Variants in BANK1 observed in about 807,000 individuals in gnomAD.
The protein encoded by BANK1 is B-cell scaffold protein with ankyrin repeats.
Under a neutral mutation model 94.5 loss-of-function variants are expected in BANK1, and 95 were observed. That is an observed-to-expected ratio of 1.00 (90% CI 0.85 to 1.19). The LOEUF is 1.19. Ranked by LOEUF, BANK1 falls within the 50% of genes most tolerant of loss-of-function variation. The pLI is 0.00. For synonymous variants in BANK1, 334 were observed against 308.4 expected (o/e 1.08, Z -0.87); for missense variants, 987 against 932.2 (o/e 1.06, Z -0.77).
intron 7 of BANK1, among the ~76,000 whole-genome samples, chr4:101,942,429 C>T (rs1723784519): frequency 6.6e-6 from 1 of 151,744 alleles, no homozygotes; most frequent in Admixed American, 6.6e-5. Context: ...CCTCTGTAGA[C>T]GATTCTATGT....
At chr4:101,917,947 C>A in intron 6 of BANK1, 46 bp from the exon 7 acceptor site, 1 of 1,376,390 alleles carries the variant, frequency 7.3e-7, no homozygotes, top group Admixed American at 1.8e-5. Context: ...AATGAGATTG[C>A]CAATAAAATG....
At chr4:102,015,494 T>C (rs994159568) in intron 7 of BANK1, among the ~76,000 whole-genome samples, 1 of 152,144 alleles carries the variant, frequency 6.6e-6, no homozygotes, top group African/African-American at 2.4e-5. Flanking sequence ...CAGAAAGCAA[T>C]GCAAAAAGAC....
At chr4:101,792,462 TGTGTG>T (rs756418077) in intron 1 of BANK1, among the ~76,000 whole-genome samples, 7 of 99,028 alleles carry the variant, frequency 7.1e-5, no homozygotes, top group Admixed American at 9.9e-5. Context: ...TGTGTGTGTG[TGTGTG>T]TGTTTTTTTT....
chr4:102,063,812 C>A (rs1728503340), intron 13 of BANK1, among the ~76,000 whole-genome samples: 1 of 137,742 alleles, frequency 7.3e-6, no homozygotes, highest in African/African-American at 2.8e-5. Flanking sequence ...GAGCAAGACT[C>A]TATCTCAAAA....
chr4:101,926,699 A>G (rs1723164036), intron 7 of BANK1, among the ~76,000 whole-genome samples: 1 of 151,754 alleles, frequency 6.6e-6, no homozygotes, highest in South Asian at 2.1e-4. Flanking sequence ...AGTGGTGCGT[A>G]AAAGGAGATG....
intron 7 of BANK1, among the ~76,000 whole-genome samples, chr4:101,936,233 G>GT (rs1396168224): frequency 6.7e-6 from 1 of 149,040 alleles, no homozygotes; most frequent in East Asian, 2.0e-4. Flanking sequence ...ACACATATAT[G>GT]ATATGTATAC....
intron 1 of BANK1, chr4:101,813,702 A>G (rs1240281675): frequency 6.1e-6 from 1 of 164,326 alleles, no homozygotes; most frequent in Non-Finnish European, 1.3e-5. Context: ...TAGAATTTTT[A>G]GCCCTTGCTA....
chr4:101,810,234 G>A (rs879340625), intron 1 of BANK1, among the ~76,000 whole-genome samples: 1 of 152,142 alleles, frequency 6.6e-6, no homozygotes, highest in Non-Finnish European at 1.5e-5. Context: ...CAAATATCTG[G>A]ATTATTGTCA....
intron 16 of BANK1, 102 bp downstream of exon 16, chr4:102,073,850 A>G (rs1027018191): frequency 1.2e-6 from 1 of 858,588 alleles, no homozygotes; most frequent in East Asian, 2.6e-5. Flanking sequence ...TAAAGATTTC[A>G]TTGTCTTCTC....
At chr4:102,001,882 A>G (rs1726089001) in intron 7 of BANK1, among the ~76,000 whole-genome samples, 1 of 152,220 alleles carries the variant, frequency 6.6e-6, no homozygotes, top group African/African-American at 2.4e-5. Flanking sequence ...AAAGCCAAGG[A>G]AACAGAATTT....
chr4:102,015,313 C>A (rs1291441763), intron 7 of BANK1, among the ~76,000 whole-genome samples: 1 of 151,666 alleles, frequency 6.6e-6, no homozygotes, highest in Admixed American at 6.6e-5. Flanking sequence ...CTTTGTTATT[C>A]TGCAATTTAA....
Position 101,830,243 on chromosome 4 carries a change from T to TG in BANK1, c.469+38dup. 6.7e-6 allele frequency: 9 copies of TG among 1,352,098 alleles called. No homozygotes were observed. In the South Asian group the frequency reaches 7.0e-5, roughly 10 times the overall value. 83.8% of individuals were successfully genotyped at this position (1,352,098 alleles called of 1,614,324 possible). ...AAACCTTGTTTGTTTTATTTTTATT[T>TG]GTTTTTTTTTTTTTGTAATTAAAGA... is the stretch of plus-strand genomic sequence containing the variant. On this transcript the variant is annotated intron_variant, in intron 2 of 16. Coordinates refer to ENST00000322953, the MANE Select transcript of BANK1 (RefSeq NM_017935.5).
intron 13 of BANK1, among the ~76,000 whole-genome samples, chr4:102,068,461 T>C (rs1041447191): frequency 6.6e-6 from 1 of 152,048 alleles, no homozygotes; most frequent in Non-Finnish European, 1.5e-5. Flanking sequence ...GACAACAAGA[T>C]ACCTAAATTA....
intron 1 of BANK1, among the ~76,000 whole-genome samples, chr4:101,808,318 T>C (rs1238035034): frequency 2.0e-5 from 3 of 152,178 alleles, no homozygotes; most frequent in African/African-American, 7.2e-5. Context: ...ATATAAAATA[T>C]TGATATTGTC....
Position 102,025,523 on chromosome 4 carries a change from T to A in BANK1, c.1594+14T>A. ...TCACCTTACCAGGTAAGTTTAAGGT[T>A]AGAAAAAAACAAAACAAAACAAAGA... is the stretch of plus-strand genomic sequence containing the variant. On this transcript the variant is annotated intron_variant, in intron 9 of 16. Coordinates refer to ENST00000322953, the MANE Select transcript of BANK1 (RefSeq NM_017935.5). The A allele has an allele frequency of 6.2e-7, 1 of 1,608,910 alleles. No homozygotes were observed. The highest frequency in any genetic ancestry group is 8.5e-7 in the Non-Finnish European group (1 of 1,177,908).
chr4:102,070,833 T>A (rs1346268930), intron 13 of BANK1, among the ~76,000 whole-genome samples: 2 of 152,166 alleles, frequency 1.3e-5, no homozygotes, highest in African/African-American at 4.8e-5. Context: ...TCTACGGAGA[T>A]AAAATGGTCT....
rs70964193 is a variant in BANK1 at position 101,818,872 on chromosome 4, A to ATT, written c.71-10919_71-10918dup. On this transcript the variant is annotated intron_variant, in intron 1 of 16. Coordinates refer to ENST00000322953, the MANE Select transcript of BANK1 (RefSeq NM_017935.5). ...TCCACGAATAAAGAAAGATTACTGT[A>ATT]TTTTTTTTTTTTTTTTTTAGTTTAC... 4.5e-3 allele frequency among the ~76,000 whole-genome samples: 619 copies of ATT among 136,144 alleles called. 8 individuals are homozygous for ATT. Among genetic ancestry groups the ATT allele is most frequent in the African/African-American group, 0.015 (559 of 37,260 alleles). 89.3% of individuals were successfully genotyped at this position (136,144 alleles called of 152,430 possible). A position where few individuals can be genotyped will look rare whatever the true frequency, so the allele number is the denominator to read the frequency against.
intron 7 of BANK1, among the ~76,000 whole-genome samples, chr4:101,999,858 A>G (rs955599897): frequency 1.2e-4 from 19 of 152,228 alleles, no homozygotes; most frequent in Non-Finnish European, 2.2e-4. Flanking sequence ...TATAGCATGT[A>G]CAAAGACCCA....
chr4:101,958,804 G>C (rs976045747), intron 7 of BANK1, among the ~76,000 whole-genome samples: 1 of 152,216 alleles, frequency 6.6e-6, no homozygotes, highest in Non-Finnish European at 1.5e-5. Flanking sequence ...CTGCTTTGCT[G>C]CTAGCACAGT....
Sources: gnomAD v4.1 joint callset for allele counts (sites outside exome capture counted in the v4.1 genomes callset) on GRCh38, gnomAD v4.1.1 for gene constraint, MANE v1.5 for transcripts, NCBI Gene and HGNC (gene_info 2026-07-23, HGNC 2026-07-21) for gene names.